Variants in RARB observed in about 807,000 individuals in gnomAD.
RARB encodes the protein retinoic acid receptor beta.
Under a neutral mutation model 51.9 loss-of-function variants are expected in RARB, and 17 were observed. The observed-to-expected ratio is 0.33, with a 90% CI of 0.22 to 0.49. The LOEUF (loss-of-function observed/expected upper bound fraction) is 0.49. RARB is among the 20% of genes least tolerant of loss of function. RARB has a pLI of 0.99. For missense variants in RARB, 369 were observed against 550.8 expected, an observed-to-expected ratio of 0.67 and a Z score of 3.30; for synonymous variants, 215 against 195.4, an observed-to-expected ratio of 1.10 and a Z score of -0.84.
At chr3:25,206,541 T>G (rs1466596866) in intron 5 of RARB, among the ~76,000 whole-genome samples, 1 of 152,168 alleles carries the variant, frequency 6.6e-6, no homozygotes, top group Non-Finnish European at 1.5e-5. Flanking sequence ...AGAAAATCTT[T>G]TGAGGTCATT....
rs181527506 is a variant in RARB at position 25,403,845 on chromosome 3, A to G, written c.179-57348A>G. On this transcript the variant is annotated intron_variant, in intron 5 of 11. Coordinates refer to the RARB transcript ENST00000383772. ...TGGCCATCATCTTCATTAGAAAAAA[A>G]AAAAAGATGCCAAGTGTCACAAGCT... Among the ~76,000 whole-genome samples, 115 of 150,340 alleles carry G rather than the reference A, an allele frequency of 7.6e-4. 1 individual carries two copies. In the East Asian group the frequency reaches 0.021, roughly 28 times the overall value.
intron 3 of RARB, among the ~76,000 whole-genome samples, chr3:25,518,367 C>G (rs1459303583): frequency 6.6e-6 from 1 of 152,032 alleles, no homozygotes; most frequent in African/African-American, 2.4e-5. Context: ...AGAAGAATCA[C>G]AGATTTTCTA....
chr3:25,587,684 C>T (rs1477727107), intron 5 of RARB, among the ~76,000 whole-genome samples: 2 of 152,196 alleles, frequency 1.3e-5, no homozygotes, highest in Non-Finnish European at 2.9e-5. Context: ...GAGCTCATCA[C>T]AACAGGCACT....
Position 25,456,682 on chromosome 3 carries a change from T to TAGAG in RARB, c.158-4478_158-4475dup, listed in dbSNP as rs201238732. ...TTGAATATATATATATATATATATATAGAGAGAGAGAGAGAGAGAGAGAGA... is the reference window on the plus strand; with the variant it reads ...TTGAATATATATATATATATATATATAGAGAGAGAGAGAGAGAGAGAGAGAGAGA... On this transcript the variant is annotated intron_variant, in intron 1 of 7. Transcript: ENST00000330688. Among the ~76,000 whole-genome samples the TAGAG allele has an allele frequency of 2.6e-3, 233 of 88,346 alleles. 3 individuals carry two copies. Among genetic ancestry groups the TAGAG allele is most frequent in the Middle Eastern group, 7.8e-3 (1 of 128 alleles). The allele number at this position is 88,346 out of a possible 152,430, so 58.0% of individuals were successfully genotyped here.
intron 3 of RARB, among the ~76,000 whole-genome samples, chr3:25,555,075 G>A (rs1700002353): frequency 6.6e-6 from 1 of 152,102 alleles, no homozygotes; most frequent in Non-Finnish European, 1.5e-5. Flanking sequence ...AGTTTTAGAG[G>A]GGAAAAATAT....
intron 3 of RARB, among the ~76,000 whole-genome samples, chr3:25,113,566 G>C (rs1232412992): frequency 2.0e-5 from 3 of 152,136 alleles, no homozygotes; most frequent in African/African-American, 7.2e-5. Flanking sequence ...CTTCCTGCTA[G>C]TAATTGAGCT....
intron 2 of RARB, among the ~76,000 whole-genome samples, chr3:25,009,333 T>A (rs1438009660): frequency 3.3e-5 from 5 of 152,158 alleles, no homozygotes. Context: ...TTAAAGGTAA[T>A]CATACATGTC....
At chr3:25,016,037 TTGG>T (rs1288152066) in intron 2 of RARB, among the ~76,000 whole-genome samples, 1 of 152,208 alleles carries the variant, frequency 6.6e-6, no homozygotes, top group Non-Finnish European at 1.5e-5. Context: ...CTTCAGGTCT[TTGG>T]TGGAACAATG....
chr3:25,231,163 C>T (rs1389787626), intron 5 of RARB, among the ~76,000 whole-genome samples: 1 of 152,090 alleles, frequency 6.6e-6, no homozygotes, highest in East Asian at 1.9e-4. Context: ...TTGCTATTAA[C>T]ATTTTAAGTG....
chr3:25,046,962 G>T (rs989144055), intron 2 of RARB, among the ~76,000 whole-genome samples: 1 of 152,158 alleles, frequency 6.6e-6, no homozygotes, highest in Non-Finnish European at 1.5e-5. Flanking sequence ...ATAGCAGGGA[G>T]AATGTGCCTC....
intron 5 of RARB, among the ~76,000 whole-genome samples, chr3:25,364,896 A>T (rs1427801071): frequency 6.6e-6 from 1 of 152,174 alleles, no homozygotes; most frequent in African/African-American, 2.4e-5. Context: ...TTCATTTTTG[A>T]CAATTAAAAT....
intron 5 of RARB, among the ~76,000 whole-genome samples, chr3:25,264,864 CT>C (rs999651998): frequency 6.6e-6 from 1 of 152,024 alleles, no homozygotes; most frequent in Non-Finnish European, 1.5e-5. Flanking sequence ...ACATATTGCC[CT>C]TTTTTTATTC....
At chr3:24,935,580 C>G (rs1289559711) in intron 2 of RARB, among the ~76,000 whole-genome samples, 1 of 152,080 alleles carries the variant, frequency 6.6e-6, no homozygotes, top group Non-Finnish European at 1.5e-5. Flanking sequence ...ACCCCTAATT[C>G]TATAGGCAAA....
At chr3:24,981,127 C>G (rs1350745784) in intron 2 of RARB, among the ~76,000 whole-genome samples, 1 of 152,160 alleles carries the variant, frequency 6.6e-6, no homozygotes, top group Non-Finnish European at 1.5e-5. Context: ...GCTGCCTGAT[C>G]CTTCTTATGG....
At chr3:25,498,422 T>C (rs1697144653) in intron 2 of RARB, among the ~76,000 whole-genome samples, 1 of 152,164 alleles carries the variant, frequency 6.6e-6, no homozygotes, top group South Asian at 2.1e-4. Context: ...AACCCACGTA[T>C]AAAAATACCT....
chr3:25,456,672 TATATATATATAGAG>T (rs1481072527), intron 1 of RARB, among the ~76,000 whole-genome samples: 2 of 111,948 alleles, frequency 1.8e-5, no homozygotes, highest in Non-Finnish European at 3.7e-5. Context: ...TATATATATA[TATATATATATAGAG>T]AGAGAGAGAG....
At chr3:25,476,041 C>A (rs185189585) in intron 2 of RARB, among the ~76,000 whole-genome samples, 1 of 152,322 alleles carries the variant, frequency 6.6e-6, no homozygotes, top group African/African-American at 2.4e-5. Flanking sequence ...TTTAGAAAAT[C>A]ACTGGCCCTT....
At chr3:25,267,154 A>G (rs1016622942) in intron 5 of RARB, among the ~76,000 whole-genome samples, 13 of 152,182 alleles carry the variant, frequency 8.5e-5, no homozygotes, top group African/African-American at 3.1e-4. Flanking sequence ...GATTGTACCG[A>G]GTGTTCTACA....
intron 3 of RARB, among the ~76,000 whole-genome samples, chr3:25,100,109 G>A (rs928833494): frequency 1.3e-5 from 2 of 152,108 alleles, no homozygotes; most frequent in Non-Finnish European, 2.9e-5. Flanking sequence ...TTCATCCCTG[G>A]ATTGATTGTC....
Sources: allele counts gnomAD v4.1 joint callset (sites outside exome capture counted in the v4.1 genomes callset), GRCh38; gene constraint gnomAD v4.1.1; transcripts MANE v1.5; gene names NCBI Gene and HGNC (gene_info 2026-07-23, HGNC 2026-07-21).